The following CDYL2 variants were observed in gnomAD, a reference collection of about 807,000 sequenced individuals.
CDYL2 encodes chromodomain Y like 2.
Under a neutral mutation model 49.4 loss-of-function variants are expected in CDYL2, and 23 were observed. The observed-to-expected ratio is 0.47, with a 90% CI of 0.34 to 0.66. The LOEUF (loss-of-function observed/expected upper bound fraction) is 0.66, where lower values mean the gene tolerates loss of function less well. Ranked by LOEUF, CDYL2 falls within the 30% of genes least tolerant of loss-of-function variation. The probability of loss-of-function intolerance (pLI) is 0.01; values close to 1 mark genes in which losing one functional copy is unlikely to be tolerated. For missense variants in CDYL2, 678 were observed against 656.4 expected, an observed-to-expected ratio of 1.03 and a Z score of -0.36; for synonymous variants, 360 against 268.8, an observed-to-expected ratio of 1.34 and a Z score of -3.32.
intron 4 of CDYL2, among the ~76,000 whole-genome samples, chr16:80,618,763 C>T (rs1053816169): frequency 1.3e-5 from 2 of 152,200 alleles, no homozygotes; most frequent in African/African-American, 2.4e-5. Context: ...TTAACAGACC[C>T]CATCCAGCAA....
intron 3 of CDYL2, among the ~76,000 whole-genome samples, chr16:80,631,288 T>A (rs1367110726): frequency 6.6e-6 from 1 of 152,192 alleles, no homozygotes; most frequent in African/African-American, 2.4e-5. Flanking sequence ...AAAGAGCCCC[T>A]GTTCAGTGGC....
At chr16:80,735,471 C>G (rs1202886654) in intron 1 of CDYL2, among the ~76,000 whole-genome samples, 1 of 152,150 alleles carries the variant, frequency 6.6e-6, no homozygotes, top group Non-Finnish European at 1.5e-5. Context: ...CTAAATGATG[C>G]AAAGCACTTA....
At chr16:80,662,787 C>G (rs1200520298) in intron 2 of CDYL2, 1 of 455,376 alleles carries the variant, frequency 2.2e-6, no homozygotes, top group Non-Finnish European at 4.4e-6. Context: ...TGAAGGGAAT[C>G]ACACTGTAGG....
chr16:80,741,770 T>C (rs1360878992), intron 1 of CDYL2, among the ~76,000 whole-genome samples: 2 of 152,202 alleles, frequency 1.3e-5, no homozygotes, highest in Non-Finnish European at 1.5e-5. Context: ...AAAAATTAAA[T>C]AATCGCCCAG....
chr16:80,616,211 G>A (rs1906820717), intron 4 of CDYL2, among the ~76,000 whole-genome samples: 1 of 152,184 alleles, frequency 6.6e-6, no homozygotes, highest in Admixed American at 6.5e-5. Context: ...CCTGGTCTCT[G>A]GAGCCTCACT....
At chr16:80,647,403 C>G (rs139215888) in intron 2 of CDYL2, among the ~76,000 whole-genome samples, 101 of 152,208 alleles carry the variant, frequency 6.6e-4, no homozygotes, top group African/African-American at 2.4e-3. Flanking sequence ...CAAAGCTATC[C>G]TAAGCAAAAA....
At position 80,604,212 on chromosome 16, in the gene CDYL2, C is replaced by T; in HGVS notation, c.*176G>A. 1.5e-6 allele frequency: 1 copy of T among 687,526 alleles called. No homozygotes were observed. Among genetic ancestry groups the T allele is most frequent in the Non-Finnish European group, 2.4e-6 (1 of 411,748 alleles). 42.6% of individuals were successfully genotyped at this position (687,526 alleles called of 1,614,324 possible). A position where few individuals can be genotyped will look rare whatever the true frequency, so the allele number is the denominator to read the frequency against. On this transcript the variant is annotated 3_prime_UTR_variant, in exon 7 of 7. Coordinates refer to ENST00000570137, the MANE Select transcript of CDYL2 (RefSeq NM_152342.4). Reference sequence around the variant, plus strand: ...GGGGAGGCCAAGTATGCTGCGTTTTCCATCCATTACACAAAATCAAACCAA... The same window carrying T: ...GGGGAGGCCAAGTATGCTGCGTTTTTCATCCATTACACAAAATCAAACCAA...
intron 2 of CDYL2, among the ~76,000 whole-genome samples, chr16:80,681,917 A>T (rs76491167): frequency 1.4e-5 from 2 of 141,350 alleles, no homozygotes; most frequent in Non-Finnish European, 3.1e-5. Flanking sequence ...AGGAAGTCAT[A>T]AAAAAAAATC....
chr16:80,687,579 TG>T (rs1910249799), intron 1 of CDYL2, among the ~76,000 whole-genome samples: 1 of 151,956 alleles, frequency 6.6e-6, no homozygotes, highest in African/African-American at 2.4e-5. Flanking sequence ...GCTGGATGGA[TG>T]GATGGACAGA....
chr16:80,688,447 C>A (rs1034254891), intron 1 of CDYL2, among the ~76,000 whole-genome samples: 5 of 152,128 alleles, frequency 3.3e-5, no homozygotes, highest in Admixed American at 6.5e-5. Context: ...AATTAAGATA[C>A]AGGAAAAGCA....
intron 2 of CDYL2, among the ~76,000 whole-genome samples, chr16:80,642,849 G>T (rs939886729): frequency 6.6e-6 from 1 of 152,084 alleles, no homozygotes; most frequent in Non-Finnish European, 1.5e-5. Flanking sequence ...TGGGAATTAT[G>T]GGAGTACAAT....
chr16:80,776,214 T>C (rs895967930), intron 1 of CDYL2, among the ~76,000 whole-genome samples: 2 of 152,116 alleles, frequency 1.3e-5, no homozygotes, highest in African/African-American at 4.8e-5. Context: ...TCTCTGTCAA[T>C]TTTCAAACAT....
intron 1 of CDYL2, among the ~76,000 whole-genome samples, chr16:80,728,465 G>A (rs996880227): frequency 1.1e-4 from 17 of 152,306 alleles, no homozygotes; most frequent in South Asian, 4.1e-4. Context: ...TCAAATCTAC[G>A]TCTGATTGGT....
chr16:80,736,066 G>A (rs115271360), intron 1 of CDYL2, among the ~76,000 whole-genome samples: 96 of 152,328 alleles, frequency 6.3e-4, no homozygotes, highest in African/African-American at 2.3e-3. Context: ...TTATGACATA[G>A]GCCAGTGACC....
chr16:80,697,304 G>A (rs1444527540), intron 1 of CDYL2, among the ~76,000 whole-genome samples: 1 of 152,096 alleles, frequency 6.6e-6, no homozygotes, highest in Non-Finnish European at 1.5e-5. Context: ...ATCACATTAA[G>A]AATGAAAGAC....
intron 2 of CDYL2, among the ~76,000 whole-genome samples, chr16:80,667,479 G>C (rs902370327): frequency 6.6e-6 from 1 of 152,076 alleles, no homozygotes; most frequent in African/African-American, 2.4e-5. Context: ...CCTCCTCCAA[G>C]AAGCCCTCAG....
intron 1 of CDYL2, among the ~76,000 whole-genome samples, chr16:80,743,658 CTGTTTTT>C (rs1220319850): frequency 6.6e-6 from 1 of 152,082 alleles, no homozygotes; most frequent in African/African-American, 2.4e-5. Context: ...ATTATTTTCT[CTGTTTTT>C]TGTTTGTTTG....
chr16:80,615,365 A>T (rs1906782936), intron 4 of CDYL2, among the ~76,000 whole-genome samples: 1 of 152,174 alleles, frequency 6.6e-6, no homozygotes, highest in South Asian at 2.1e-4. Context: ...CAAACATCCC[A>T]TTCCTGAGTG....
chr16:80,793,365 GC>G (rs1381933758), intron 1 of CDYL2, among the ~76,000 whole-genome samples: 7 of 152,174 alleles, frequency 4.6e-5, no homozygotes, highest in African/African-American at 1.4e-4. Context: ...TTGCTTTAAG[GC>G]ACTTTTGTTA....
Sources: gnomAD v4.1 joint callset for allele counts (sites outside exome capture counted in the v4.1 genomes callset) on GRCh38, gnomAD v4.1.1 for gene constraint, MANE v1.5 for transcripts, NCBI Gene and HGNC (gene_info 2026-07-23, HGNC 2026-07-21) for gene names.